ASH2L: variants seen among roughly 807,000 people sequenced by gnomAD.
ASH2L encodes the protein set1/Ash2 histone methyltransferase complex subunit ASH2.
Under a neutral mutation model 81.1 loss-of-function variants are expected in ASH2L, and 30 were observed. The observed-to-expected ratio is 0.37, with a 90% CI of 0.28 to 0.50. The LOEUF is 0.50. Ranked by LOEUF, ASH2L falls within the 20% of genes least tolerant of loss-of-function variation. ASH2L has a pLI of 0.95. For synonymous variants in ASH2L, 273 were observed against 279.9 expected (o/e 0.98, Z 0.24); for missense variants, 559 against 792.1 (o/e 0.71, Z 3.53).
In ASH2L at chr8:38,128,427, C is replaced by G; in HGVS notation, c.1302C>G (p.Thr434=). Residue 434 remains threonine (T), a synonymous_variant, in exon 11 of 16, where the codon ACC becomes ACG. Coordinates refer to ENST00000343823, the MANE Select transcript of ASH2L (RefSeq NM_004674.5). ...CTGTGGATGAGATGCCACCAGATAC[C>G]GCTGCCAGACTGGGTTGGTCCCAGC... is the stretch of plus-strand genomic sequence containing the variant. The part of the protein sequence containing the change: ...EITVDEMPPD[T]AARLGWSQPL... The G allele has an allele frequency of 6.2e-7, 1 of 1,614,062 alleles. No individual in the cohort carries two copies. The highest frequency in any genetic ancestry group is 8.5e-7 in the Non-Finnish European group (1 of 1,180,034).
At chr8:38,108,707 G>A (rs1810556880) in intron 3 of ASH2L, among the ~76,000 whole-genome samples, 1 of 152,024 alleles carries the variant, frequency 6.6e-6, no homozygotes, top group Non-Finnish European at 1.5e-5. Flanking sequence ...TGTAGTCCCA[G>A]CTACTCGGGA....
At chr8:38,135,809 C>A in intron 14 of ASH2L, 43 bp downstream of exon 14, 3 of 1,446,764 alleles carry the variant, frequency 2.1e-6, no homozygotes, top group Non-Finnish European at 2.9e-6. Flanking sequence ...TTGAGGGAAG[C>A]AGATGAATGG....
chr8:38,106,589 C>T, intron 2 of ASH2L, 145 bp downstream of exon 2: 1 of 649,310 alleles, frequency 1.5e-6, no homozygotes. Context: ...CTCACTGCAA[C>T]CTCCTCCCCC....
At chr8:38,127,665 C>T (rs539963178) in intron 10 of ASH2L, among the ~76,000 whole-genome samples, 1 of 146,634 alleles carries the variant, frequency 6.8e-6, no homozygotes, top group South Asian at 2.2e-4. Flanking sequence ...ATTGCTTGAA[C>T]TTGGGAGGCG....
At chr8:38,129,818 G>T (rs538617013) in intron 12 of ASH2L, among the ~76,000 whole-genome samples, 2 of 152,266 alleles carry the variant, frequency 1.3e-5, no homozygotes, top group South Asian at 4.1e-4. Flanking sequence ...TCAGTGCAGG[G>T]TAGTACTCCA....
chr8:38,105,565 A>C lies in ASH2L; in HGVS notation c.15A>C (p.Gly5=), dbSNP rs1018565702. The C allele has an allele frequency of 6.3e-7, 1 of 1,575,116 alleles. No individual in the cohort carries two copies. The highest frequency in any genetic ancestry group is 1.4e-5 in the African/African-American group (1 of 73,446). MAAA[G]AGPGQEAGAG... ...GGGTGGCCGTGATGGCGGCGGCAGG[A>C]GCAGGACCTGGCCAGGAAGCGGGTG... is the stretch of plus-strand genomic sequence containing the variant. Residue 5 remains glycine, a synonymous_variant, in exon 1 of 16, where the codon GGA becomes GGC. Transcript: ENST00000343823.
rs1259568102 is a variant in ASH2L, at chr8:38,105,615, CA to C, written c.68del (p.Asn23MetfsTer10). 3 of 1,604,750 alleles carry C rather than the reference CA, an allele frequency of 1.9e-6. No individual in the cohort carries two copies. The Admixed American group carries it at 5.1e-5, about 27-fold the overall frequency. On this transcript the variant is annotated frameshift_variant, in exon 1 of 16. Transcript: ENST00000343823. LOFTEE classifies it high-confidence loss of function. ...GCCGGGCCTGGCCCAGGAGCGGTCGCAAATGCAACAGGGGCAGAAGAGGGGG... is the reference window on the plus strand; with the variant it reads ...GCCGGGCCTGGCCCAGGAGCGGTCGCAATGCAACAGGGGCAGAAGAGGGGG... ...AGAGPGPGAV[A>X]NATGAEEGEM...
At chr8:38,116,283 T>C (rs187462945) in intron 7 of ASH2L, among the ~76,000 whole-genome samples, 2 of 152,210 alleles carry the variant, frequency 1.3e-5, no homozygotes, top group East Asian at 3.9e-4. Flanking sequence ...AGAGAATCAC[T>C]TGAACCTGGT....
intron 12 of ASH2L, among the ~76,000 whole-genome samples, chr8:38,131,330 C>CA (rs1328669555): frequency 5.3e-5 from 8 of 150,998 alleles, no homozygotes; most frequent in Non-Finnish European, 1.2e-4. Context: ...ATTTACATTA[C>CA]AAAAAAAATT....
At position 38,125,896 on chromosome 8, in the gene ASH2L, C is replaced by T. The variant is rs925714208; in HGVS notation, c.1166-2395C>T. Among the ~76,000 whole-genome samples, 42 of 152,074 alleles carry T rather than the reference C, an allele frequency of 2.8e-4. 2 individuals are homozygous for T. Among genetic ancestry groups the T allele is most frequent in the African/African-American group, 1.0e-3 (42 of 41,410 alleles). On this transcript the variant is annotated intron_variant, in intron 10 of 15. Coordinates refer to ENST00000343823, the MANE Select transcript of ASH2L (RefSeq NM_004674.5). ...GTTCCTGAGTAAGAATAACAATAACCTTGACCTTAAAATGAGGAAACGCCA... is the reference window on the plus strand; with the variant it reads ...GTTCCTGAGTAAGAATAACAATAACTTTGACCTTAAAATGAGGAAACGCCA...
At chr8:38,137,256 C>T (rs1331168892) in intron 14 of ASH2L, among the ~76,000 whole-genome samples, 1 of 150,838 alleles carries the variant, frequency 6.6e-6, no homozygotes, top group Non-Finnish European at 1.5e-5. Flanking sequence ...CAAAAATTAG[C>T]CGGGCATCGG....
rs538696911 is a variant in ASH2L at position 38,138,686 on chromosome 8, A to G, written c.1720-130A>G. On this transcript the variant is annotated intron_variant, in intron 14 of 15. Transcript: ENST00000343823. ...CCACTTTTAGTAATATTTAATATAT[A>G]TCTTATTTGTTCCATTTATCCCCCG... 6.5e-5 allele frequency: 45 copies of G among 693,998 alleles called. No individual in the cohort carries two copies. In the East Asian group the frequency reaches 1.1e-3, roughly 17 times the overall value. The allele number at this position is 693,998 out of a possible 1,614,324, so 43.0% of individuals were successfully genotyped here. A position where few individuals can be genotyped will look rare whatever the true frequency, so the allele number is the denominator to read the frequency against.
Position 38,105,609 on chromosome 8 carries a change from C to G in ASH2L, c.59C>G (p.Ala20Gly). The change falls in exon 1 of 16, where the codon GCG becomes GGG. Residue 20 changes from alanine (A) to glycine (G), a missense_variant. By Grantham distance (60) the Ala-to-Gly change is moderately conservative. Around this residue, in one of 4 missense-constraint regions of ASH2L, gnomAD observed 145 missense variants for 115.5 expected, o/e 1.26. Transcript: ENST00000343823. Reference sequence around the variant, plus strand: ...GCGGGTGCCGGGCCTGGCCCAGGAGCGGTCGCAAATGCAACAGGGGCAGAA... The same window carrying G: ...GCGGGTGCCGGGCCTGGCCCAGGAGGGGTCGCAAATGCAACAGGGGCAGAA... Reference protein sequence around the residue: ...QEAGAGPGPGAVANATGAEEG... With the variant: ...QEAGAGPGPGGVANATGAEEG... 2 of 1,602,022 alleles carry G rather than the reference C, an allele frequency of 1.2e-6. No individual in the cohort carries two copies. Among genetic ancestry groups the G allele is most frequent in the South Asian group, 2.2e-5 (2 of 89,768 alleles).
At chr8:38,118,800 T>C (rs1209552921) in intron 8 of ASH2L, among the ~76,000 whole-genome samples, 1 of 152,240 alleles carries the variant, frequency 6.6e-6, no homozygotes, top group African/African-American at 2.4e-5. Context: ...ATGATGTTTA[T>C]GGACTGTATT....
chr8:38,106,510 T>TC (rs1362714910), intron 2 of ASH2L, 66 bp downstream of exon 2: 1 of 1,260,610 alleles, frequency 7.9e-7, no homozygotes, highest in East Asian at 2.5e-5. Flanking sequence ...CTTCTTCTTT[T>TC]TTTTTTTTTT....
intron 10 of ASH2L, among the ~76,000 whole-genome samples, chr8:38,122,804 T>A (rs1801686522): frequency 6.6e-6 from 1 of 152,230 alleles, no homozygotes; most frequent in Non-Finnish European, 1.5e-5. Context: ...TATGCAGTGA[T>A]GCAGTCCTGG....
At chr8:38,114,872 G>A (rs1198971342) in intron 6 of ASH2L, 33 bp from the exon 7 acceptor site, 4 of 1,361,530 alleles carry the variant, frequency 2.9e-6, no homozygotes, top group African/African-American at 1.4e-5. Flanking sequence ...AGTATAAAAT[G>A]TTCATTAATA....
intron 2 of ASH2L, 51 bp downstream of exon 2, chr8:38,106,495 T>G: frequency 1.4e-6 from 2 of 1,438,114 alleles, no homozygotes; most frequent in South Asian, 2.5e-5. Flanking sequence ...TTTTAGTTAT[T>G]TCTTCTTCTT....
intron 12 of ASH2L, among the ~76,000 whole-genome samples, chr8:38,132,796 CAAAA>C (rs35293220): frequency 1.5e-5 from 2 of 130,544 alleles, no homozygotes; most frequent in Non-Finnish European, 1.6e-5. Context: ...GAGACTGTCT[CAAAA>C]AAAAAAAAAG....
Sources: gnomAD v4.1 joint callset for allele counts (sites outside exome capture counted in the v4.1 genomes callset) on GRCh38, gnomAD v4.1.1 for gene constraint, gnomAD v4.1.1 regional missense constraint, MANE v1.5 for transcripts, NCBI Gene and HGNC (gene_info 2026-07-23, HGNC 2026-07-21) for gene names.